Variants in PRR5L observed in about 807,000 individuals in gnomAD.
PRR5L encodes the protein proline rich 5 like.
In PRR5L, 21 loss-of-function variants were observed where a neutral mutation model predicts 36.4. That is an observed-to-expected ratio of 0.58 (90% confidence interval 0.41 to 0.83). The LOEUF (loss-of-function observed/expected upper bound fraction) is 0.83, where lower values mean the gene tolerates loss of function less well. PRR5L is among the 40% of genes least tolerant of loss of function. The pLI is 0.00. For missense variants in PRR5L, 381 were observed against 473.3 expected, an observed-to-expected ratio of 0.80 and a Z score of 1.81; for synonymous variants, 188 against 197.0, an observed-to-expected ratio of 0.95 and a Z score of 0.38.
rs1301438143 is a variant in PRR5L at position 36,387,845 on chromosome 11, C to T, written c.-125-13152C>T. The stretch of plus-strand genomic sequence containing the variant: ...AAAGGTCACAAACCTACATGTTTGG[C>T]CTTCAAAGTGCTGGTTGGCCTGGTG... On this transcript the variant is annotated intron_variant, in intron 1 of 8. Transcript: ENST00000530639. 2.0e-5 allele frequency among the ~76,000 whole-genome samples: 3 copies of T among 152,198 alleles called. No individual in the cohort carries two copies. The East Asian group carries it at 5.8e-4, about 29-fold the overall frequency.
chr11:36,461,486 G>T (rs1411818527), intron 8 of PRR5L, among the ~76,000 whole-genome samples: 1 of 152,118 alleles, frequency 6.6e-6, no homozygotes, highest in Non-Finnish European at 1.5e-5. Context: ...AGCTGGGCAT[G>T]GTGGTGGGCG....
chr11:36,332,394 A>T (rs1469763723), intron 1 of PRR5L, among the ~76,000 whole-genome samples: 1 of 152,114 alleles, frequency 6.6e-6, no homozygotes, highest in Non-Finnish European at 1.5e-5. Flanking sequence ...TTGGGGACAA[A>T]GAGAGCGGTA....
intron 1 of PRR5L, among the ~76,000 whole-genome samples, chr11:36,341,832 G>T (rs935997658): frequency 5.3e-5 from 8 of 152,192 alleles, no homozygotes; most frequent in African/African-American, 1.9e-4. Context: ...GGTGGGCTTT[G>T]CAAGGTGAGA....
At position 36,297,936 on chromosome 11, in the gene PRR5L, C is replaced by T. The variant is rs576520039; in HGVS notation, c.-126+1498C>T. 7.2e-5 allele frequency among the ~76,000 whole-genome samples: 11 copies of T among 152,294 alleles called. No homozygotes were observed. The East Asian group carries it at 1.2e-3, about 16-fold the overall frequency. On this transcript the variant is annotated intron_variant, in intron 1 of 8. Coordinates refer to ENST00000530639, the MANE Select transcript of PRR5L (RefSeq NM_001160167.2). The stretch of plus-strand genomic sequence containing the variant: ...AGAGGCAGGAAAGGAGCTGGAAGTC[C>T]GTACTTGGTTAATGCTGTGGCAAGC...
chr11:36,350,942 A>ATATATTTATATATTTATATATT lies in PRR5L; in HGVS notation c.-125-50050_-125-50049insTTATATATTTATATATTTATAT, dbSNP rs1565406349. Among the ~76,000 whole-genome samples the ATATATTTATATATTTATATATT allele has an allele frequency of 1.9e-3, 56 of 29,688 alleles. 9 individuals carry two copies. The highest frequency in any genetic ancestry group is 9.5e-3 in the African/African-American group (55 of 5,776). 19.5% of individuals were successfully genotyped at this position (29,688 alleles called of 152,430 possible). A position where few individuals can be genotyped will look rare whatever the true frequency, so the allele number is the denominator to read the frequency against. ...TATTTATATATATTTATATATTTAT[A>ATATATTTATATATTTATATATT]TATATATATTTATATATATTTATAT... On this transcript the variant is annotated intron_variant, in intron 1 of 8. Transcript: ENST00000530639.
intron 4 of PRR5L, among the ~76,000 whole-genome samples, chr11:36,421,821 G>GT (rs1385095164): frequency 5.9e-5 from 9 of 152,266 alleles, no homozygotes; most frequent in Admixed American, 5.2e-4. Context: ...AGGATCTTGA[G>GT]TTGTACCATG....
At chr11:36,437,227 C>A (rs577054) in intron 5 of PRR5L, among the ~76,000 whole-genome samples, 158 bp from the exon 6 acceptor site, 35,679 of 152,108 alleles carry the variant, frequency 0.23, 4,415 homozygotes, top group East Asian at 0.47. Flanking sequence ...TCCTGTAGCA[C>A]CACACCTCTG....
chr11:36,324,485 G>C (rs1488089287), intron 1 of PRR5L, among the ~76,000 whole-genome samples: 1 of 152,110 alleles, frequency 6.6e-6, no homozygotes, highest in Admixed American at 6.5e-5. Flanking sequence ...GTGTACATAT[G>C]TAGAAAAACC....
intron 1 of PRR5L, among the ~76,000 whole-genome samples, chr11:36,389,958 C>T (rs1343073164): frequency 6.6e-6 from 1 of 152,206 alleles, no homozygotes; most frequent in Non-Finnish European, 1.5e-5. Context: ...GCCTCACACA[C>T]AGCTGGCTCA....
intron 1 of PRR5L, among the ~76,000 whole-genome samples, chr11:36,359,517 A>G (rs1590481152): frequency 6.6e-6 from 1 of 152,350 alleles, no homozygotes; most frequent in East Asian, 1.9e-4. Flanking sequence ...TTAGGAAGAC[A>G]CAAATGTTTG....
chr11:36,342,290 C>G (rs1436196407), intron 1 of PRR5L, among the ~76,000 whole-genome samples: 1 of 152,136 alleles, frequency 6.6e-6, no homozygotes, highest in Non-Finnish European at 1.5e-5. Context: ...TGGCTTTGGT[C>G]TATCAACACT....
At chr11:36,308,531 CT>C (rs1355446841) in intron 1 of PRR5L, among the ~76,000 whole-genome samples, 1 of 152,210 alleles carries the variant, frequency 6.6e-6, no homozygotes, top group Non-Finnish European at 1.5e-5. Flanking sequence ...TGGTCTCCTC[CT>C]CGCAGCTTAT....
intron 1 of PRR5L, among the ~76,000 whole-genome samples, chr11:36,316,180 A>G (rs1348722705): frequency 2.0e-5 from 3 of 152,236 alleles, no homozygotes; most frequent in Non-Finnish European, 4.4e-5. Context: ...CAGTTACTCA[A>G]CACTGCCATT....
chr11:36,400,792 G>C (rs960925485), intron 1 of PRR5L, among the ~76,000 whole-genome samples: 1 of 152,188 alleles, frequency 6.6e-6, no homozygotes, highest in Non-Finnish European at 1.5e-5. Context: ...CATTGTCACT[G>C]TCTTCCCACT....
intron 2 of PRR5L, among the ~76,000 whole-genome samples, chr11:36,402,742 C>A (rs558041657): frequency 6.6e-6 from 1 of 152,304 alleles, no homozygotes; most frequent in Non-Finnish European, 1.5e-5. Context: ...GTGGAGTAAG[C>A]CCTGATATGG....
chr11:36,303,690 C>T (rs1325451602), intron 1 of PRR5L, among the ~76,000 whole-genome samples: 2 of 152,298 alleles, frequency 1.3e-5, no homozygotes, highest in African/African-American at 2.4e-5. Flanking sequence ...AGTGATGTGA[C>T]GTATGCACCT....
intron 1 of PRR5L, among the ~76,000 whole-genome samples, chr11:36,304,502 T>G (rs1856409238): frequency 6.6e-6 from 1 of 152,232 alleles, no homozygotes; most frequent in African/African-American, 2.4e-5. Context: ...GTGGCTGGCT[T>G]TTTTCACTAA....
At chr11:36,322,632 G>T (rs1456809987) in intron 1 of PRR5L, among the ~76,000 whole-genome samples, 1 of 152,138 alleles carries the variant, frequency 6.6e-6, no homozygotes, top group Admixed American at 6.5e-5. Context: ...ACAAACTATA[G>T]TACTGCATCT....
At chr11:36,350,998 A>ATATAGTTATATATT (rs1856931595) in intron 1 of PRR5L, among the ~76,000 whole-genome samples, 2 of 51,802 alleles carry the variant, frequency 3.9e-5, no homozygotes, top group Admixed American at 2.4e-4. Context: ...TTATATATTT[A>ATATAGTTATATATT]TATATATTTA....
Sources: allele counts gnomAD v4.1 joint callset (sites outside exome capture counted in the v4.1 genomes callset), GRCh38; gene constraint gnomAD v4.1.1; transcripts MANE v1.5; gene names NCBI Gene and HGNC (gene_info 2026-07-23, HGNC 2026-07-21).